GRIN2B: variants seen among roughly 807,000 people sequenced by gnomAD.
The protein encoded by GRIN2B is glutamate ionotropic receptor NMDA type subunit 2B.
GRIN2B carries 5 observed loss-of-function variants against 114.5 expected under a neutral mutation model. The ratio of observed to expected loss-of-function variants is 0.04; its 90% CI spans 0.02 to 0.09. The LOEUF (loss-of-function observed/expected upper bound fraction) is 0.09. Among genes scored for constraint, GRIN2B ranks in the 10% least tolerant of loss-of-function variants. GRIN2B has a pLI of 1.00. For synonymous variants in GRIN2B, 787 were observed against 745.1 expected, an observed-to-expected ratio of 1.06 and a Z score of -0.92; for missense variants, 1,108 against 1,943.5, an observed-to-expected ratio of 0.57 and a Z score of 8.08.
intron 3 of GRIN2B, among the ~76,000 whole-genome samples, chr12:13,828,993 C>T (rs537558965): frequency 5.3e-5 from 8 of 152,162 alleles, no homozygotes; most frequent in African/African-American, 1.2e-4. Context: ...ATTCTAGCCA[C>T]ATTTGCTTGC....
At chr12:13,954,671 G>C (rs1867553144) in intron 2 of GRIN2B, among the ~76,000 whole-genome samples, 1 of 151,418 alleles carries the variant, frequency 6.6e-6, no homozygotes, top group African/African-American at 2.4e-5. Context: ...AATTACCTGG[G>C]TGCGATGGTG....
At chr12:13,914,605 A>G (rs1866680182) in intron 2 of GRIN2B, among the ~76,000 whole-genome samples, 1 of 152,244 alleles carries the variant, frequency 6.6e-6, no homozygotes, top group Non-Finnish European at 1.5e-5. Flanking sequence ...AACATATCAA[A>G]GAGATGTCTG....
chr12:13,545,687 T>C lies in GRIN2B; in HGVS notation c.*17096A>G, dbSNP rs1948333435. 1 of 152,212 alleles carries C rather than the reference T, an allele frequency of 6.6e-6. No homozygotes were observed. Among genetic ancestry groups the C allele is most frequent in the African/African-American group, 2.4e-5 (1 of 41,460 alleles). The allele number at this position is 152,212 out of a possible 1,614,324, so 9.4% of individuals were successfully genotyped here. ...TCCTTGGGTTAATTATTATTTTTAA[T>C]AGGTAAGAAAAAAGTTACTCCGAGT... On this transcript the variant is annotated 3_prime_UTR_variant, in exon 14 of 14. Transcript: ENST00000609686.
chr12:13,774,983 A>G (rs1863977469), intron 3 of GRIN2B, among the ~76,000 whole-genome samples: 1 of 151,622 alleles, frequency 6.6e-6, no homozygotes, highest in African/African-American at 2.4e-5. Context: ...AGGTAAAATG[A>G]TGATGATGAT....
chr12:13,913,021 A>G (rs967215366), intron 2 of GRIN2B, among the ~76,000 whole-genome samples: 4 of 152,022 alleles, frequency 2.6e-5, no homozygotes, highest in African/African-American at 9.7e-5. Flanking sequence ...GAAAGAAATG[A>G]CTGAGCTCCC....
chr12:13,611,335 C>G (rs1949363437), intron 9 of GRIN2B, among the ~76,000 whole-genome samples: 1 of 152,184 alleles, frequency 6.6e-6, no homozygotes, highest in Non-Finnish European at 1.5e-5. Context: ...CTGGGGCAAT[C>G]CATTTCTTCT....
chr12:13,712,981 G>T (rs530048097), intron 4 of GRIN2B, among the ~76,000 whole-genome samples: 2 of 151,714 alleles, frequency 1.3e-5, no homozygotes, highest in Non-Finnish European at 2.9e-5. Context: ...ACAACGCAAG[G>T]TGCTAAGTGA....
In GRIN2B at chr12:13,564,226, G is replaced by A. The variant is rs201439880; in HGVS notation, c.3012C>T (p.Tyr1004=). 20 of 1,614,164 alleles carry A rather than the reference G, an allele frequency of 1.2e-5. No individual in the cohort carries two copies. In the South Asian group the frequency reaches 1.3e-4, roughly 11 times the overall value. The change falls in exon 14 of 14, where the codon TAC becomes TAT. Residue 1004 remains tyrosine (Y), a synonymous_variant. Transcript: ENST00000609686. The surrounding 1 kb of genome is among the most constrained non-coding windows in gnomAD (Gnocchi z 4.8). ...IGSASSIDGL[Y]DCDNPPFTTQ... ...TGGTGAAGGGTGGGTTGTCACAGTC[G>A]TAGAGCCCATCGATGGAGCTGGCAC...
chr12:13,965,581 G>A (rs867092908), intron 2 of GRIN2B, among the ~76,000 whole-genome samples: 2 of 100,514 alleles, frequency 2.0e-5, no homozygotes, highest in African/African-American at 6.4e-5. Flanking sequence ...ACACACACAC[G>A]TGTGTGTGAT....
At chr12:13,602,671 T>C (rs545466831) in intron 10 of GRIN2B, among the ~76,000 whole-genome samples, 1 of 152,200 alleles carries the variant, frequency 6.6e-6, no homozygotes, top group African/African-American at 2.4e-5. Flanking sequence ...GCCCTTCCTA[T>C]ATCCCAAAAG....
intron 5 of GRIN2B, among the ~76,000 whole-genome samples, chr12:13,655,708 C>T (rs1056303841): frequency 6.6e-6 from 1 of 152,120 alleles, no homozygotes; most frequent in Admixed American, 6.6e-5. Flanking sequence ...ATATTGACTC[C>T]ATAGCAATGT....
chr12:13,680,804 A>G (rs535886116), intron 4 of GRIN2B, among the ~76,000 whole-genome samples: 3 of 152,238 alleles, frequency 2.0e-5, no homozygotes, highest in East Asian at 1.9e-4. Context: ...GCATTCTTGA[A>G]TCACATGGCA....
chr12:13,675,549 C>A (rs891541474), intron 5 of GRIN2B, among the ~76,000 whole-genome samples, 196 bp downstream of exon 5: 1 of 152,102 alleles, frequency 6.6e-6, no homozygotes, highest in South Asian at 2.1e-4. Context: ...ACAAAGAAAA[C>A]AATCCCTTGA....
intron 10 of GRIN2B, among the ~76,000 whole-genome samples, chr12:13,608,077 G>C (rs138585077): frequency 2.0e-5 from 3 of 152,166 alleles, no homozygotes; most frequent in Non-Finnish European, 4.4e-5. Flanking sequence ...GCACCACACA[G>C]GGGCAATCAT....
chr12:13,969,254 C>A (rs1303310806), intron 2 of GRIN2B, among the ~76,000 whole-genome samples: 1 of 152,230 alleles, frequency 6.6e-6, no homozygotes, highest in Non-Finnish European at 1.5e-5. Context: ...AAGAAAATCA[C>A]TTTAGCTGAA....
intron 3 of GRIN2B, among the ~76,000 whole-genome samples, chr12:13,780,834 CAAAAA>C (rs200061187): frequency 1.2e-5 from 1 of 84,702 alleles, no homozygotes. Flanking sequence ...CAGGTTTTGC[CAAAAA>C]AAAAAAAAAA....
rs565872486 is a variant in GRIN2B, at chr12:13,553,310, T to C, written c.*9473A>G. On this transcript the variant is annotated 3_prime_UTR_variant, in exon 14 of 14. Coordinates refer to ENST00000609686, the MANE Select transcript of GRIN2B (RefSeq NM_000834.5). ...CTGAGGTAATGAATCCCTTTATATT[T>C]ACAGAGAAAGGAGTAGTTTAGAGAC... The C allele has an allele frequency of 6.6e-6, 1 of 152,316 alleles. No homozygotes were observed. Among genetic ancestry groups the C allele is most frequent in the East Asian group, 1.9e-4 (1 of 5,184 alleles). 9.4% of individuals were successfully genotyped at this position (152,316 alleles called of 1,614,324 possible). A position where few individuals can be genotyped will look rare whatever the true frequency, so the allele number is the denominator to read the frequency against.
chr12:13,715,626 T>G (rs943180916), intron 4 of GRIN2B, among the ~76,000 whole-genome samples: 1 of 151,892 alleles, frequency 6.6e-6, no homozygotes, highest in Non-Finnish European at 1.5e-5. Flanking sequence ...TTTAGAATAG[T>G]TACTGATTGT....
At chr12:13,882,248 C>T (rs1012639457) in intron 2 of GRIN2B, among the ~76,000 whole-genome samples, 1 of 152,176 alleles carries the variant, frequency 6.6e-6, no homozygotes, top group Admixed American at 6.6e-5. Context: ...ATCAGGAGAG[C>T]TTTCCCAAGA....
Sources: allele counts gnomAD v4.1 joint callset (sites outside exome capture counted in the v4.1 genomes callset), GRCh38; gene constraint gnomAD v4.1.1; non-coding constraint Gnocchi (gnomAD v3.1); transcripts MANE v1.5; gene names NCBI Gene and HGNC (gene_info 2026-07-23, HGNC 2026-07-21).